Variants in ADAMTS17 observed in about 807,000 individuals in gnomAD.
The protein encoded by ADAMTS17 is A disintegrin and metalloproteinase with thrombospondin motifs 17.
A neutral mutation model predicts 141.5 loss-of-function variants in ADAMTS17; 113 were observed. The ratio of observed to expected loss-of-function variants is 0.80; its 90% CI spans 0.69 to 0.93. The LOEUF is 0.93. Ranked by LOEUF, ADAMTS17 falls within the 40% of genes least tolerant of loss-of-function variation. The pLI is 0.00. For missense variants in ADAMTS17, 1,659 were observed against 1,517.9 expected (o/e 1.09, Z -1.54); for synonymous variants, 768 against 630.6 (o/e 1.22, Z -3.27).
chr15:100,143,177 T>C (rs968469451), intron 10 of ADAMTS17, among the ~76,000 whole-genome samples: 17 of 152,174 alleles, frequency 1.1e-4, no homozygotes, highest in South Asian at 2.1e-4. Context: ...GGTGGGACTT[T>C]GTGAGGCAGG....
At chr15:100,311,678 C>CA (rs963214783) in intron 3 of ADAMTS17, among the ~76,000 whole-genome samples, 22 of 151,968 alleles carry the variant, frequency 1.4e-4, no homozygotes, top group Non-Finnish European at 1.5e-5. Context: ...TGCGCACACA[C>CA]AAAAAATGGC....
intron 7 of ADAMTS17, among the ~76,000 whole-genome samples, chr15:100,232,267 G>A (rs1397867942): frequency 1.3e-5 from 2 of 152,196 alleles, no homozygotes; most frequent in Non-Finnish European, 2.9e-5. Context: ...ACCCGGGCAG[G>A]ACACCTGCCT....
At chr15:100,034,274 T>C (rs1407637481) in intron 18 of ADAMTS17, among the ~76,000 whole-genome samples, 1 of 152,226 alleles carries the variant, frequency 6.6e-6, no homozygotes, top group Non-Finnish European at 1.5e-5. Flanking sequence ...CAAGAGACCA[T>C]GGAGGATTCA....
At position 100,116,903 on chromosome 15, in the gene ADAMTS17, G is replaced by A. The variant is rs760726108; in HGVS notation, c.1832C>T (p.Ala611Val). 2.5e-6 allele frequency: 4 copies of A among 1,614,200 alleles called. No individual in the cohort carries two copies. Among genetic ancestry groups the A allele is most frequent in the South Asian group, 2.2e-5 (2 of 91,084 alleles). Residue 611 changes from alanine (A) to valine (V), a missense_variant, in exon 13 of 22, where the codon GCA becomes GTA. Coordinates refer to ENST00000268070, the MANE Select transcript of ADAMTS17 (RefSeq NM_139057.4). Reference sequence around the variant, plus strand: ...CTTCTTGGGGCTCAGCCGGTCGTGTGCCTGGCACTGCTGGTCCCGGAAGCT... The same window carrying A: ...CTTCTTGGGGCTCAGCCGGTCGTGTACCTGGCACTGCTGGTCCCGGAAGCT... Reference protein sequence around the residue: ...LPSFRDQQCQAHDRLSPKKKG... With the variant: ...LPSFRDQQCQVHDRLSPKKKG...
chr15:100,275,119 G>C (rs1278960606), intron 4 of ADAMTS17, among the ~76,000 whole-genome samples: 8 of 152,196 alleles, frequency 5.3e-5, no homozygotes, highest in Admixed American at 5.2e-4. Flanking sequence ...GACCCTCTGA[G>C]GGGACATTTG....
intron 3 of ADAMTS17, among the ~76,000 whole-genome samples, chr15:100,286,936 C>A (rs866676533): frequency 6.6e-6 from 1 of 152,164 alleles, no homozygotes; most frequent in Admixed American, 6.5e-5. Context: ...TAAGAAAGAT[C>A]TGATGGACTT....
At chr15:100,267,568 T>A (rs1463038687) in intron 4 of ADAMTS17, among the ~76,000 whole-genome samples, 3 of 152,136 alleles carry the variant, frequency 2.0e-5, no homozygotes, top group African/African-American at 7.2e-5. Flanking sequence ...TGTGTGCAGG[T>A]TGGTTACGTG....
At chr15:100,149,629 T>A (rs894492357) in intron 10 of ADAMTS17, among the ~76,000 whole-genome samples, 1 of 152,128 alleles carries the variant, frequency 6.6e-6, no homozygotes, top group African/African-American at 2.4e-5. Context: ...CTCTTTGAAA[T>A]AGCCAATCAG....
In ADAMTS17 at chr15:100,155,203, T is replaced by G; in HGVS notation, c.1299A>C (p.Arg433=). The G allele has an allele frequency of 6.2e-7, 1 of 1,614,232 alleles. No homozygotes were observed. The highest frequency in any genetic ancestry group is 8.5e-7 in the Non-Finnish European group (1 of 1,180,046). The part of the protein sequence containing the change: ...PSDLSWSSCS[R]DDLENFLKSK... ...ACTTGAGGAAGTTTTCAAGGTCATC[T>G]CGGCTGCAGGAGGACCAAGAGAGGT... The change falls in exon 9 of 22, where the codon CGA becomes CGC. Residue 433 remains arginine, a synonymous_variant. Coordinates refer to ENST00000268070, the MANE Select transcript of ADAMTS17 (RefSeq NM_139057.4).
chr15:100,153,589 A>T (rs2039292675), intron 9 of ADAMTS17, among the ~76,000 whole-genome samples: 1 of 152,194 alleles, frequency 6.6e-6, no homozygotes, highest in Non-Finnish European at 1.5e-5. Flanking sequence ...GGTTGCAGTG[A>T]GCCAAGATAG....
intron 8 of ADAMTS17, among the ~76,000 whole-genome samples, chr15:100,191,622 T>G (rs2040920054): frequency 1.3e-5 from 2 of 152,362 alleles, no homozygotes; most frequent in South Asian, 4.1e-4. Flanking sequence ...AACCCGTGAA[T>G]GCAGGACTGT....
intron 20 of ADAMTS17, among the ~76,000 whole-genome samples, chr15:99,992,562 G>A (rs1403347161): frequency 2.6e-5 from 4 of 152,194 alleles, no homozygotes; most frequent in African/African-American, 9.7e-5. Flanking sequence ...TTGCTCTCGG[G>A]AGTGCTGACC....
chr15:100,260,163 AG>A (rs2043466469), intron 6 of ADAMTS17, among the ~76,000 whole-genome samples: 1 of 152,180 alleles, frequency 6.6e-6, no homozygotes, highest in Admixed American at 6.5e-5. Flanking sequence ...GATTTTTGAA[AG>A]GAACGAAAGC....
At position 99,976,318 on chromosome 15, in the gene ADAMTS17, A is replaced by C. The variant is rs958074095; in HGVS notation, c.2950-96T>G. The C allele has an allele frequency of 7.3e-5, 106 of 1,449,832 alleles. 3 individuals are homozygous for C. In the East Asian group the frequency reaches 2.6e-3, roughly 36 times the overall value. The allele number at this position is 1,449,832 out of a possible 1,614,324, so 89.8% of individuals were successfully genotyped here. A position where few individuals can be genotyped will look rare whatever the true frequency, so the allele number is the denominator to read the frequency against. On this transcript the variant is annotated intron_variant, in intron 20 of 21. Coordinates refer to ENST00000268070, the MANE Select transcript of ADAMTS17 (RefSeq NM_139057.4). ...GGCACTGCGGAGACAGGACAGCCTG[A>C]GTGGGGGCCTACACGAGGTCAGGGG...
chr15:100,085,785 C>G (rs775771868), intron 15 of ADAMTS17, among the ~76,000 whole-genome samples: 19 of 150,990 alleles, frequency 1.3e-4, no homozygotes, highest in Non-Finnish European at 1.2e-4. Context: ...ATTATACAGA[C>G]AAGCAAATGC....
At chr15:100,148,068 T>C (rs1169669045) in intron 10 of ADAMTS17, among the ~76,000 whole-genome samples, 1 of 152,220 alleles carries the variant, frequency 6.6e-6, no homozygotes, top group Non-Finnish European at 1.5e-5. Flanking sequence ...TCCTGCCTCC[T>C]TCTTAGTAAG....
intron 3 of ADAMTS17, among the ~76,000 whole-genome samples, chr15:100,285,085 C>T (rs1258532562): frequency 1.3e-5 from 2 of 152,208 alleles, no homozygotes; most frequent in African/African-American, 4.8e-5. Context: ...TTTGCCAGCA[C>T]CTTGCTGGAG....
At chr15:100,255,617 A>AACACACACACACATACACACACAC (rs1555495600) in intron 6 of ADAMTS17, among the ~76,000 whole-genome samples, 2 of 140,186 alleles carry the variant, frequency 1.4e-5, no homozygotes, top group Non-Finnish European at 3.1e-5. Flanking sequence ...TGTTTTGAGC[A>AACACACACACACATACACACACAC]ACACACACAC....
chr15:100,215,072 C>G (rs2041928260), intron 7 of ADAMTS17, among the ~76,000 whole-genome samples: 1 of 152,178 alleles, frequency 6.6e-6, no homozygotes, highest in Non-Finnish European at 1.5e-5. Flanking sequence ...CATAACAACC[C>G]AAGAATGTGG....
Sources: allele counts gnomAD v4.1 joint callset (sites outside exome capture counted in the v4.1 genomes callset), GRCh38; gene constraint gnomAD v4.1.1; transcripts MANE v1.5; gene names NCBI Gene and HGNC (gene_info 2026-07-23, HGNC 2026-07-21).